The following RNF157 variants were observed in gnomAD, a reference collection of about 807,000 sequenced individuals.
RNF157 encodes ring finger protein 157, also known as E3 ubiquitin ligase RNF157.
In RNF157, 55 loss-of-function variants were observed where a neutral mutation model predicts 88.3. The observed-to-expected ratio is 0.62, with a 90% CI of 0.50 to 0.78. The LOEUF is 0.78. RNF157 is among the 30% of genes least tolerant of loss of function. The pLI, the probability that RNF157 is intolerant of heterozygous loss-of-function variation, is 0.00. For synonymous variants in RNF157, 334 were observed against 341.2 expected (o/e 0.98, Z 0.23); for missense variants, 788 against 860.8 (o/e 0.92, Z 1.06).
rs114718327 is a variant in RNF157, at chr17:76,174,450, T to C, written c.208-660A>G. 2.8e-3 allele frequency among the ~76,000 whole-genome samples: 428 copies of C among 152,342 alleles called. 4 individuals carry two copies. Among genetic ancestry groups the C allele is most frequent in the African/African-American group, 9.8e-3 (406 of 41,572 alleles). On this transcript the variant is annotated intron_variant, in intron 2 of 18. Transcript: ENST00000269391. Reference sequence around the variant, plus strand: ...CCTTTGGATTTGAAGTTCTGAGTTGTTGATAATGATGAGATAAAGAAAGGG... The same window carrying C: ...CCTTTGGATTTGAAGTTCTGAGTTGCTGATAATGATGAGATAAAGAAAGGG...
chr17:76,146,534 G>A lies in RNF157; in HGVS notation c.1922-1181C>T. On this transcript the variant is annotated intron_variant, in intron 18 of 18. Coordinates refer to ENST00000269391, the MANE Select transcript of RNF157 (RefSeq NM_052916.3). The surrounding 1 kb of genome is among the most constrained non-coding windows in gnomAD (Gnocchi z 4.2). ...GGGTCCCCTGGCTCCCTGGGGTAGG[G>A]AAGGCATGTCGTCCTCCGGACCCTG... 1 of 985,458 alleles carries A rather than the reference G, an allele frequency of 1.0e-6. No homozygotes were observed. The highest frequency in any genetic ancestry group is 1.2e-6 in the Non-Finnish European group (1 of 829,924). 61.0% of individuals were successfully genotyped at this position (985,458 alleles called of 1,614,324 possible).
Position 76,240,158 on chromosome 17 carries a change from T to A in RNF157, c.83A>T (p.Lys28Met), listed in dbSNP as rs2145100275. Residue 28 changes from lysine (K) to methionine (M), a missense_variant, in exon 1 of 19, where the codon AAG becomes ATG. Coordinates refer to ENST00000269391, the MANE Select transcript of RNF157 (RefSeq NM_052916.3). The surrounding 1 kb of genome is among the most constrained non-coding windows in gnomAD (Gnocchi z 4.4). Reference sequence around the variant, plus strand: ...CGGCGCCCGCCCGCCCTCACCGGACTTGGGCGGGTAGCGGTACACGGAATT... The same window carrying A: ...CGGCGCCCGCCCGCCCTCACCGGACATGGGCGGGTAGCGGTACACGGAATT... ...PSNSVYRYPPKSGSYFASHFI... is the reference protein window; with the variant it reads ...PSNSVYRYPPMSGSYFASHFI... The A allele has an allele frequency of 7.4e-7, 1 of 1,358,114 alleles. No homozygotes were observed. Among genetic ancestry groups the A allele is most frequent in the East Asian group, 2.8e-5 (1 of 35,220 alleles). The allele number at this position is 1,358,114 out of a possible 1,614,324, so 84.1% of individuals were successfully genotyped here. A position where few individuals can be genotyped will look rare whatever the true frequency, so the allele number is the denominator to read the frequency against.
At chr17:76,206,598 G>T (rs1310344198) in intron 2 of RNF157, among the ~76,000 whole-genome samples, 1 of 152,142 alleles carries the variant, frequency 6.6e-6, no homozygotes, top group African/African-American at 2.4e-5. Flanking sequence ...TCAGGAGTTC[G>T]AGACCAGCCT....
At chr17:76,224,654 GA>G (rs2070046502) in intron 1 of RNF157, among the ~76,000 whole-genome samples, 7 of 151,090 alleles carry the variant, frequency 4.6e-5, no homozygotes, top group Admixed American at 4.0e-4. Context: ...GGCCACACTG[GA>G]AAAAGAAGAA....
In RNF157 at chr17:76,183,060, G is replaced by A. The variant is rs953352147; in HGVS notation, c.208-9270C>T. ...TTCTCCTGCCTCAGCCTTGCTTCCC[G>A]AGTAGCTGGGATTACAGGCGTCTGC... On this transcript the variant is annotated intron_variant, in intron 2 of 18. Transcript: ENST00000269391. Among the ~76,000 whole-genome samples, 8 of 151,658 alleles carry A rather than the reference G, an allele frequency of 5.3e-5. No individual in the cohort carries two copies. The East Asian group carries it at 5.8e-4, about 11-fold the overall frequency.
intron 1 of RNF157, among the ~76,000 whole-genome samples, chr17:76,221,836 T>C (rs2069988465): frequency 6.6e-6 from 1 of 152,122 alleles, no homozygotes; most frequent in Non-Finnish European, 1.5e-5. Context: ...TATTCAGCCA[T>C]AAAAAGAAGT....
chr17:76,208,159 G>C (rs886714454), intron 2 of RNF157, among the ~76,000 whole-genome samples: 7 of 152,166 alleles, frequency 4.6e-5, no homozygotes, highest in Non-Finnish European at 7.3e-5. Flanking sequence ...CTAGGCTCAA[G>C]AGATCTATAG....
chr17:76,149,023 C>T (rs1050715378), intron 18 of RNF157, among the ~76,000 whole-genome samples: 1 of 152,176 alleles, frequency 6.6e-6, no homozygotes, highest in East Asian at 1.9e-4. Flanking sequence ...TTACTACAAC[C>T]TGTCACACCC....
chr17:76,212,419 C>T lies in RNF157; in HGVS notation c.152G>A (p.Gly51Asp), dbSNP rs993446981. 6 of 1,613,870 alleles carry T rather than the reference C, an allele frequency of 3.7e-6. No homozygotes were observed. In the African/African-American group the frequency reaches 6.7e-5, roughly 18 times the overall value. Residue 51 changes from glycine to aspartate, a missense_variant, in exon 2 of 19, where the codon GGT becomes GAT. Physicochemically the swap from Gly to Asp is moderately conservative, Grantham distance 94. Transcript: ENST00000269391. ...ATCGCTGTTCTCTCCAAACAGGTAA[C>T]CTTCAGGATGAGTTGAGTCAAACTT... ...GEKFDSTHPE[G>D]YLFGENSDLN...
chr17:76,153,703 G>T (rs188095055), intron 17 of RNF157: 146 of 153,066 alleles, frequency 9.5e-4, no homozygotes, highest in Non-Finnish European at 1.6e-3. Context: ...TTATGGTAAA[G>T]GAAGATTATT....
In RNF157 at chr17:76,154,514, ATCT is replaced by A; in HGVS notation, c.1765-189_1765-187del. The A allele has an allele frequency of 2.6e-5, 16 of 606,848 alleles. No homozygotes were observed. The South Asian group carries it at 3.1e-4, about 12-fold the overall frequency. The allele number at this position is 606,848 out of a possible 1,614,324, so 37.6% of individuals were successfully genotyped here. ...GGCAGATCTTGCTTGGAGAGGCACC[ATCT>A]GCCTACAGGGATTAGATCCGAGCCA... On this transcript the variant is annotated intron_variant, in intron 16 of 18. Coordinates refer to ENST00000269391, the MANE Select transcript of RNF157 (RefSeq NM_052916.3).
At chr17:76,200,702 G>C (rs2069560611) in intron 2 of RNF157, among the ~76,000 whole-genome samples, 1 of 152,186 alleles carries the variant, frequency 6.6e-6, no homozygotes, top group African/African-American at 2.4e-5. Context: ...AGGGAGACAT[G>C]TATTATAAGA....
At chr17:76,151,807 T>C (rs2068682302) in intron 18 of RNF157, among the ~76,000 whole-genome samples, 1 of 152,192 alleles carries the variant, frequency 6.6e-6, no homozygotes, top group Non-Finnish European at 1.5e-5. Context: ...GACCTCTCCG[T>C]TGGGATCCAA....
intron 8 of RNF157, chr17:76,163,142 C>T (rs2068869501): frequency 6.6e-6 from 1 of 151,994 alleles, no homozygotes; most frequent in Non-Finnish European, 1.5e-5. Flanking sequence ...ACCATGAAGC[C>T]ACCCCATCCC....
intron 2 of RNF157, among the ~76,000 whole-genome samples, chr17:76,181,461 C>G (rs933567325): frequency 5.3e-5 from 8 of 152,084 alleles, no homozygotes; most frequent in Non-Finnish European, 1.5e-5. Context: ...GCAGAAGATA[C>G]AAATGTACAC....
intron 3 of RNF157, among the ~76,000 whole-genome samples, chr17:76,172,134 G>A (rs2069023765): frequency 6.6e-6 from 1 of 152,140 alleles, no homozygotes; most frequent in African/African-American, 2.4e-5. Flanking sequence ...AGCATAGCTG[G>A]GGAACCAGCA....
intron 2 of RNF157, among the ~76,000 whole-genome samples, chr17:76,177,139 T>C (rs1296075312): frequency 3.3e-5 from 5 of 151,902 alleles, no homozygotes; most frequent in Admixed American, 2.6e-4. Context: ...GCCCCGGCCC[T>C]GGCCCCGGCC....
intron 1 of RNF157, chr17:76,226,646 G>C: frequency 6.2e-7 from 1 of 1,612,724 alleles, no homozygotes; most frequent in Non-Finnish European, 8.5e-7. Context: ...GCCCGCCTTA[G>C]CCTTGTCGCT....
chr17:76,176,470 G>A lies in RNF157; in HGVS notation c.208-2680C>T, dbSNP rs561151531. ...GTTGTCTCCCATTCTTCTGTAAATC[G>A]ATTTTGCCTACTATTACTCTCGAAA... is the stretch of plus-strand genomic sequence containing the variant. On this transcript the variant is annotated intron_variant, in intron 2 of 18. Coordinates refer to ENST00000269391, the MANE Select transcript of RNF157 (RefSeq NM_052916.3). The surrounding 1 kb of genome is among the most constrained non-coding windows in gnomAD (Gnocchi z 4.2). Among the ~76,000 whole-genome samples, 3 of 152,214 alleles carry A rather than the reference G, an allele frequency of 2.0e-5. No homozygotes were observed. The highest frequency in any genetic ancestry group is 1.9e-4 in the East Asian group (1 of 5,178).
Sources: gnomAD v4.1 joint callset for allele counts (sites outside exome capture counted in the v4.1 genomes callset) on GRCh38, gnomAD v4.1.1 for gene constraint, Gnocchi (gnomAD v3.1) non-coding constraint, MANE v1.5 for transcripts, NCBI Gene and HGNC (gene_info 2026-07-23, HGNC 2026-07-21) for gene names.